The following KLHL1 variants were observed in gnomAD, a reference collection of about 807,000 sequenced individuals.
KLHL1 encodes the protein kelch like family member 1.
A neutral mutation model predicts 77.7 loss-of-function variants in KLHL1; 47 were observed. The observed-to-expected ratio is 0.60, with a 90% confidence interval of 0.48 to 0.77. The LOEUF (loss-of-function observed/expected upper bound fraction) is 0.77. Ranked by LOEUF, KLHL1 falls within the 30% of genes least tolerant of loss-of-function variation. The pLI is 0.00. For missense variants in KLHL1, 925 were observed against 910.8 expected (o/e 1.02, Z -0.20); for synonymous variants, 360 against 325.2 (o/e 1.11, Z -1.15).
chr13:69,936,888 G>A (rs576394424), intron 4 of KLHL1, among the ~76,000 whole-genome samples: 9 of 152,108 alleles, frequency 5.9e-5, no homozygotes, highest in African/African-American at 2.2e-4. Flanking sequence ...GCAACAGTGG[G>A]GTAAATAGCT....
chr13:69,823,771 T>G (rs1227028361), intron 6 of KLHL1, among the ~76,000 whole-genome samples: 1 of 152,094 alleles, frequency 6.6e-6, no homozygotes, highest in African/African-American at 2.4e-5. Context: ...CTTGCTTGCT[T>G]ACTCCAGAGA....
chr13:70,020,743 G>A (rs9542163), intron 1 of KLHL1, among the ~76,000 whole-genome samples: 112,479 of 151,792 alleles, frequency 0.74, 41,766 homozygotes, highest in East Asian at 0.85. Flanking sequence ...CAATACTAGT[G>A]TATCAATAGA....
rs954755092 is a variant in KLHL1, at chr13:69,940,041, A to G, written c.1013T>C (p.Met338Thr). 6.3e-7 allele frequency: 1 copy of G among 1,599,026 alleles called. No individual in the cohort carries two copies. Among genetic ancestry groups the G allele is most frequent in the Non-Finnish European group, 8.5e-7 (1 of 1,172,192 alleles). ...ELMKVAHSYT[M>T]ENIMEVIRNQ... The stretch of plus-strand genomic sequence containing the variant: ...TATTAAAACATTAAGTTTCCTTACC[A>G]TTGTGTAGCTGTGGGCCACCTTCAT... Residue 338 changes from methionine (M) to threonine (T), a missense_variant and splice_region_variant, in exon 4 of 11, where the codon ATG becomes ACG. Met to Thr is a moderately conservative substitution (Grantham distance 81). Coordinates refer to ENST00000377844, the MANE Select transcript of KLHL1 (RefSeq NM_020866.3).
At chr13:69,715,630 G>C (rs1478505066) in intron 9 of KLHL1, among the ~76,000 whole-genome samples, 1 of 151,818 alleles carries the variant, frequency 6.6e-6, no homozygotes, top group African/African-American at 2.4e-5. Flanking sequence ...TGTGAAAATG[G>C]ACTAATATAA....
At chr13:70,096,321 G>A (rs1252529881) in intron 1 of KLHL1, among the ~76,000 whole-genome samples, 1 of 151,922 alleles carries the variant, frequency 6.6e-6, no homozygotes, top group Non-Finnish European at 1.5e-5. Context: ...CAGCATATGA[G>A]GGCTCCCCTT....
At chr13:69,830,571 C>T (rs1878723238) in intron 6 of KLHL1, among the ~76,000 whole-genome samples, 1 of 150,056 alleles carries the variant, frequency 6.7e-6, no homozygotes. Flanking sequence ...AAACAATGGA[C>T]TTAAACTATA....
intron 6 of KLHL1, 60 bp downstream of exon 6, chr13:69,838,916 T>G: frequency 8.9e-7 from 1 of 1,122,388 alleles, no homozygotes; most frequent in Non-Finnish European, 1.2e-6. Flanking sequence ...CATTACAATA[T>G]AAAAGCTGCA....
intron 1 of KLHL1, among the ~76,000 whole-genome samples, chr13:70,081,190 G>C (rs754773664): frequency 2.0e-5 from 3 of 152,092 alleles, no homozygotes; most frequent in African/African-American, 7.2e-5. Flanking sequence ...CCATGTCTTG[G>C]GAACTGCTTC....
chr13:70,080,340 T>C (rs1311602807), intron 1 of KLHL1, among the ~76,000 whole-genome samples: 1 of 152,124 alleles, frequency 6.6e-6, no homozygotes, highest in Non-Finnish European at 1.5e-5. Context: ...CTTCCCCAAA[T>C]GAAATCATAA....
intron 1 of KLHL1, among the ~76,000 whole-genome samples, chr13:70,099,687 GC>G (rs891692399): frequency 1.4e-4 from 22 of 151,844 alleles, no homozygotes; most frequent in African/African-American, 5.3e-4. Context: ...CATACAATAA[GC>G]TTTTTGTCCC....
intron 5 of KLHL1, among the ~76,000 whole-genome samples, chr13:69,873,507 A>G (rs1880658262): frequency 6.6e-6 from 1 of 152,088 alleles, no homozygotes; most frequent in Admixed American, 6.6e-5. Flanking sequence ...TCAATAAGGG[A>G]TTTTTAGTCA....
Position 69,789,016 on chromosome 13 carries a change from ACTCTATCTATCTATCTATCTATCT to A in KLHL1, c.1639+7698_1639+7721del, listed in dbSNP as rs1290848238. Among the ~76,000 whole-genome samples the A allele has an allele frequency of 9.7e-4, 129 of 132,348 alleles. 1 individual carries two copies. The highest frequency in any genetic ancestry group is 3.5e-3 in the African/African-American group (125 of 35,874). 86.8% of individuals were successfully genotyped at this position (132,348 alleles called of 152,430 possible). On this transcript the variant is annotated intron_variant, in intron 7 of 10. Transcript: ENST00000377844. ...AAAGATAAACACTGGACTCCACAGG[ACTCTATCTATCTATCTATCTATCT>A]ATCTATCTATCTATCTATCTATCTA... is the stretch of plus-strand genomic sequence containing the variant.
At chr13:69,830,747 C>A (rs934466994) in intron 6 of KLHL1, among the ~76,000 whole-genome samples, 14 of 149,988 alleles carry the variant, frequency 9.3e-5, no homozygotes, top group Non-Finnish European at 2.1e-4. Flanking sequence ...ATATCAAGTA[C>A]TCTCTCAGAC....
chr13:69,725,759 T>G (rs1873269382), intron 8 of KLHL1, among the ~76,000 whole-genome samples: 1 of 152,168 alleles, frequency 6.6e-6, no homozygotes, highest in African/African-American at 2.4e-5. Flanking sequence ...TCCTGTTCAC[T>G]GTCCTGTAAG....
intron 1 of KLHL1, among the ~76,000 whole-genome samples, chr13:70,075,783 G>GTA (rs1046887678): frequency 9.7e-4 from 137 of 140,660 alleles, no homozygotes; most frequent in African/African-American, 3.2e-3. Flanking sequence ...ACATATATAT[G>GTA]TATATATATA....
At chr13:69,825,209 G>A (rs191428397) in intron 6 of KLHL1, among the ~76,000 whole-genome samples, 9 of 152,146 alleles carry the variant, frequency 5.9e-5, no homozygotes, top group Admixed American at 5.9e-4. Context: ...AATTGAATTG[G>A]TCAGGCTACT....
At chr13:70,064,551 T>C (rs1283425099) in intron 1 of KLHL1, among the ~76,000 whole-genome samples, 1 of 152,206 alleles carries the variant, frequency 6.6e-6, no homozygotes, top group African/African-American at 2.4e-5. Flanking sequence ...ATAAACCTCA[T>C]TGTCATGGTT....
At chr13:69,915,078 C>A (rs1439037397) in intron 4 of KLHL1, among the ~76,000 whole-genome samples, 1 of 151,982 alleles carries the variant, frequency 6.6e-6, no homozygotes, top group African/African-American at 2.4e-5. Context: ...TAACACTGCT[C>A]AACGAAATAA....
At chr13:70,011,303 C>T (rs1885528664) in intron 1 of KLHL1, among the ~76,000 whole-genome samples, 2 of 152,074 alleles carry the variant, frequency 1.3e-5, no homozygotes, top group South Asian at 2.1e-4. Flanking sequence ...AGAAGCATGA[C>T]CATGAAACCT....
Sources: allele counts gnomAD v4.1 joint callset (sites outside exome capture counted in the v4.1 genomes callset), GRCh38; gene constraint gnomAD v4.1.1; transcripts MANE v1.5; gene names NCBI Gene and HGNC (gene_info 2026-07-23, HGNC 2026-07-21).